SLCO1B3: variants seen among roughly 807,000 people sequenced by gnomAD.
SLCO1B3 encodes the protein liver-specific organic anion transporter 2.
In SLCO1B3, 72 loss-of-function variants were observed where a neutral mutation model predicts 71.8. That is an observed-to-expected ratio of 1.00 (90% confidence interval 0.83 to 1.22). The LOEUF is 1.22. SLCO1B3 is among the 50% of genes most tolerant of loss of function. The pLI is 0.00. For missense variants in SLCO1B3, 911 were observed against 819.7 expected, an observed-to-expected ratio of 1.11 and a Z score of -1.36; for synonymous variants, 298 against 278.4, an observed-to-expected ratio of 1.07 and a Z score of -0.70.
chr12:20,825,678 A>G (rs1864405272), intron 3 of SLCO1B3, among the ~76,000 whole-genome samples: 1 of 151,920 alleles, frequency 6.6e-6, no homozygotes, highest in Admixed American at 6.6e-5. Flanking sequence ...GTGCGCCTGT[A>G]ATCCCAGCTG....
intron 12 of SLCO1B3, among the ~76,000 whole-genome samples, chr12:20,882,365 A>G (rs921226312): frequency 8.5e-5 from 13 of 152,180 alleles, no homozygotes; most frequent in Non-Finnish European, 1.9e-4. Context: ...AATAAAAGGA[A>G]AAAAGGAATC....
At chr12:20,860,879 G>A (rs1032181484) in intron 5 of SLCO1B3, 138 bp from the exon 6 acceptor site, 11 of 849,658 alleles carry the variant, frequency 1.3e-5, no homozygotes, top group Non-Finnish European at 2.0e-5. Flanking sequence ...AATACATGCT[G>A]GGAAGTTGAC....
At chr12:20,834,176 T>C (rs1331553415) in intron 3 of SLCO1B3, among the ~76,000 whole-genome samples, 6 of 146,046 alleles carry the variant, frequency 4.1e-5, no homozygotes, top group Admixed American at 1.4e-4. Flanking sequence ...ACTATGTATG[T>C]ATATAGTAAA....
chr12:20,857,645 T>A (rs1036635068), intron 4 of SLCO1B3, among the ~76,000 whole-genome samples: 19 of 152,064 alleles, frequency 1.2e-4, no homozygotes, highest in South Asian at 2.1e-4. Flanking sequence ...GGATTTTTTT[T>A]AAAAAAAGTT....
At chr12:20,885,781 C>G (rs531314849) in intron 13 of SLCO1B3, among the ~76,000 whole-genome samples, 1 of 151,802 alleles carries the variant, frequency 6.6e-6, no homozygotes, top group South Asian at 2.1e-4. Context: ...ACAGAGCTAG[C>G]GTGATCCAGA....
intron 4 of SLCO1B3, among the ~76,000 whole-genome samples, chr12:20,856,720 C>T (rs573898464): frequency 9.9e-5 from 15 of 152,220 alleles, no homozygotes; most frequent in Admixed American, 3.3e-4. Context: ...CCACCACATC[C>T]GGCTAATTTT....
intron 8 of SLCO1B3, among the ~76,000 whole-genome samples, chr12:20,869,131 C>T (rs1865429403): frequency 1.3e-5 from 2 of 152,084 alleles, no homozygotes; most frequent in African/African-American, 2.4e-5. Flanking sequence ...TTTCTAAACT[C>T]CCCCGGGGAA....
chr12:20,896,679 C>T (rs572703346), intron 13 of SLCO1B3, among the ~76,000 whole-genome samples: 1 of 152,290 alleles, frequency 6.6e-6, no homozygotes, highest in Admixed American at 6.5e-5. Flanking sequence ...ACTGTTCCAA[C>T]CTCTGCCTGT....
chr12:20,907,034 CTT>C (rs976204293), intron 15 of SLCO1B3, among the ~76,000 whole-genome samples: 1 of 151,932 alleles, frequency 6.6e-6, no homozygotes, highest in Non-Finnish European at 1.5e-5. Flanking sequence ...AAGGAAAAAT[CTT>C]TTTACTTACT....
chr12:20,814,365 CAT>C (rs1233088217), intron 2 of SLCO1B3, among the ~76,000 whole-genome samples: 3 of 151,962 alleles, frequency 2.0e-5, no homozygotes, highest in Non-Finnish European at 4.4e-5. Context: ...CAGAAAATGA[CAT>C]ATAACATATT....
At chr12:20,912,283 C>A (rs1380985198) in intron 15 of SLCO1B3, among the ~76,000 whole-genome samples, 1 of 150,206 alleles carries the variant, frequency 6.7e-6, no homozygotes, top group Non-Finnish European at 1.5e-5. Flanking sequence ...TTTCAAATTT[C>A]TTCTATTTTA....
At chr12:20,836,820 T>C (rs1864691792) in intron 3 of SLCO1B3, among the ~76,000 whole-genome samples, 1 of 152,104 alleles carries the variant, frequency 6.6e-6, no homozygotes, top group Non-Finnish European at 1.5e-5. Flanking sequence ...TTTTTGTATT[T>C]TTACTAGAGA....
chr12:20,825,759 A>C (rs1278308488), intron 3 of SLCO1B3, among the ~76,000 whole-genome samples: 1 of 148,114 alleles, frequency 6.8e-6, no homozygotes, highest in Non-Finnish European at 1.5e-5. Context: ...AGATTGTGGC[A>C]CTGCACTCCA....
chr12:20,887,562 GT>G (rs917097307), intron 13 of SLCO1B3, among the ~76,000 whole-genome samples: 4 of 151,408 alleles, frequency 2.6e-5, no homozygotes, highest in East Asian at 1.9e-4. Context: ...TTTTAATGAG[GT>G]TTTTTTCCTT....
intron 3 of SLCO1B3, among the ~76,000 whole-genome samples, chr12:20,822,383 G>A (rs962073089): frequency 1.1e-4 from 16 of 152,102 alleles, no homozygotes; most frequent in African/African-American, 3.1e-4. Context: ...GGGCAGGGGC[G>A]GGGGTCACAA....
At chr12:20,858,403 C>G in intron 4 of SLCO1B3, 36 bp from the exon 5 acceptor site, 1 of 1,455,566 alleles carries the variant, frequency 6.9e-7, no homozygotes, top group African/African-American at 1.4e-5. Flanking sequence ...CAAAATTACA[C>G]TAAGTCATAT....
At chr12:20,849,444 C>T (rs1036322947) in intron 3 of SLCO1B3, among the ~76,000 whole-genome samples, 4 of 151,972 alleles carry the variant, frequency 2.6e-5, no homozygotes, top group Non-Finnish European at 5.9e-5. Flanking sequence ...CAGCTGGCAT[C>T]ATATTTGATA....
intron 3 of SLCO1B3, among the ~76,000 whole-genome samples, chr12:20,851,855 A>G (rs1865029921): frequency 6.6e-6 from 1 of 152,078 alleles, no homozygotes; most frequent in Admixed American, 6.6e-5. Flanking sequence ...CAATGGGTCA[A>G]CTTCATTCCT....
At chr12:20,886,687 G>A (rs1249986613) in intron 13 of SLCO1B3, among the ~76,000 whole-genome samples, 1 of 151,896 alleles carries the variant, frequency 6.6e-6, no homozygotes, top group African/African-American at 2.4e-5. Flanking sequence ...GAAGATGGGA[G>A]GTGAAAAAAA....
Sources: allele counts gnomAD v4.1 joint callset (sites outside exome capture counted in the v4.1 genomes callset), GRCh38; gene constraint gnomAD v4.1.1; transcripts MANE v1.5; gene names NCBI Gene and HGNC (gene_info 2026-07-23, HGNC 2026-07-21).